CXCR1: variants seen among roughly 807,000 people sequenced by gnomAD.
The protein encoded by CXCR1 is C-X-C motif chemokine receptor 1.
For missense variants in CXCR1, 419 were observed against 440.5 expected (o/e 0.95, Z 0.44); for synonymous variants, 180 against 184.7 (o/e 0.97, Z 0.21).
chr2:218,163,975 T>C lies in CXCR1; in HGVS notation c.*184A>G. The C allele has an allele frequency of 2.9e-6, 2 of 688,196 alleles. No individual in the cohort carries two copies. The highest frequency in any genetic ancestry group is 4.6e-5 in the Admixed American group (2 of 43,418). 42.6% of individuals were successfully genotyped at this position (688,196 alleles called of 1,614,324 possible). A position where few individuals can be genotyped will look rare whatever the true frequency, so the allele number is the denominator to read the frequency against. On this transcript the variant is annotated 3_prime_UTR_variant, in exon 2 of 2. Coordinates refer to ENST00000295683, the MANE Select transcript of CXCR1 (RefSeq NM_000634.3). ...GCAAAGGCCGGTCCTTGGAGGTACC[T>C]CAACAGCTCCTCAGAAGGTTGGTGT...
chr2:218,164,787 G>T lies in CXCR1; in HGVS notation c.425C>A (p.Ala142Asp). 5 of 1,614,224 alleles carry T rather than the reference G, an allele frequency of 3.1e-6. No individual in the cohort carries two copies. Among genetic ancestry groups the T allele is most frequent in the Non-Finnish European group, 4.2e-6 (5 of 1,180,038 alleles). The change falls in exon 2 of 2, where the codon GCC becomes GAC. Residue 142 changes from alanine to aspartate, a missense_variant. Coordinates refer to ENST00000295683, the MANE Select transcript of CXCR1 (RefSeq NM_000634.3). ...SVDRYLAIVH[A>D]TRTLTQKRHL... ...ACGCTTCTGGGTCAGTGTGCGTGTG[G>T]CATGGACAATGGCCAGGTAACGGTC...
rs1691221303 is a variant in CXCR1, at chr2:218,163,227, T to G, written c.*932A>C. 1 of 152,672 alleles carries G rather than the reference T, an allele frequency of 6.5e-6. No individual in the cohort carries two copies. Among genetic ancestry groups the G allele is most frequent in the Non-Finnish European group, 1.5e-5 (1 of 68,310 alleles). The allele number at this position is 152,672 out of a possible 1,614,324, so 9.5% of individuals were successfully genotyped here. A position where few individuals can be genotyped will look rare whatever the true frequency, so the allele number is the denominator to read the frequency against. ...CTGCCCTTCAACCCAGAGAGGTGCC[T>G]TCTTAGGAGGTGCTGCCCCCATTCT... On this transcript the variant is annotated 3_prime_UTR_variant, in exon 2 of 2. Coordinates refer to ENST00000295683, the MANE Select transcript of CXCR1 (RefSeq NM_000634.3).
Position 218,164,082 on chromosome 2 carries a change from G to A in CXCR1, c.*77C>T. On this transcript the variant is annotated 3_prime_UTR_variant, in exon 2 of 2. Coordinates refer to ENST00000295683, the MANE Select transcript of CXCR1 (RefSeq NM_000634.3). ...CCCAGATAGTGCCTGTCCAGAGCCA[G>A]ATCACCTTCCACACACAACCTCAGG... is the stretch of plus-strand genomic sequence containing the variant. 1 of 1,564,536 alleles carries A rather than the reference G, an allele frequency of 6.4e-7. No individual in the cohort carries two copies. The highest frequency in any genetic ancestry group is 8.7e-7 in the Non-Finnish European group (1 of 1,147,554).
rs1204763700 is a variant in CXCR1 at position 218,164,144 on chromosome 2, C to A, written c.*15G>T. 2 of 1,613,294 alleles carry A rather than the reference C, an allele frequency of 1.2e-6. No individual in the cohort carries two copies. The highest frequency in any genetic ancestry group is 1.7e-6 in the Non-Finnish European group (2 of 1,179,914). ...TCTTTCCTTCTGAGAAGAGATATTC[C>A]TTCATCGATGGTTTTCAGAGGTTGG... On this transcript the variant is annotated 3_prime_UTR_variant, in exon 2 of 2. Coordinates refer to ENST00000295683, the MANE Select transcript of CXCR1 (RefSeq NM_000634.3).
Position 218,164,273 on chromosome 2 carries a change from G to A in CXCR1, c.939C>T (p.Arg313=), listed in dbSNP as rs1300601396. 10 of 1,612,352 alleles carry A rather than the reference G, an allele frequency of 6.2e-6. No individual in the cohort carries two copies. Among genetic ancestry groups the A allele is most frequent in the East Asian group, 2.2e-5 (1 of 44,816 alleles). ...TAGCCAGGATCTTGAGGAATCCATG[G>A]CGAAAATTTTGGCCGATGAAGGCGT... The part of the protein sequence containing the change: ...IIYAFIGQNF[R]HGFLKILAMH... Residue 313 remains arginine (R), a synonymous_variant, in exon 2 of 2, where the codon CGC becomes CGT. Transcript: ENST00000295683.
chr2:218,165,391 G>C, intron 1 of CXCR1, 147 bp from the exon 2 acceptor site: 1 of 676,294 alleles, frequency 1.5e-6, no homozygotes, highest in South Asian at 1.8e-5. Flanking sequence ...ACTCCAACCT[G>C]GTCTTCTTCG....
At position 218,164,591 on chromosome 2, in the gene CXCR1, G is replaced by A. The variant is rs1189688820; in HGVS notation, c.621C>T (p.His207=). The A allele has an allele frequency of 6.2e-7, 1 of 1,614,226 alleles. No individual in the cohort carries two copies. The highest frequency in any genetic ancestry group is 1.7e-5 in the Admixed American group (1 of 60,030). ...ACAGCGGCACGATGAAGCCAAAGGTGTGAGGCAGGATCCGCAACACCATCC... is the reference window on the plus strand; with the variant it reads ...ACAGCGGCACGATGAAGCCAAAGGTATGAGGCAGGATCCGCAACACCATCC... ...KWRMVLRILP[H]TFGFIVPLFV... is the part of the protein sequence containing the mutation. Residue 207 remains histidine, a synonymous_variant, in exon 2 of 2, where the codon CAC becomes CAT. Coordinates refer to ENST00000295683, the MANE Select transcript of CXCR1 (RefSeq NM_000634.3).
In CXCR1 at chr2:218,165,050, C is replaced by T; in HGVS notation, c.162G>A (p.Leu54=). 2 of 1,614,240 alleles carry T rather than the reference C, an allele frequency of 1.2e-6. No homozygotes were observed. Among genetic ancestry groups the T allele is most frequent in the Non-Finnish European group, 1.7e-6 (2 of 1,180,054 alleles). ...CCAGCATCACCAGGGAGTTTCCCAG[C>T]AGGCTCAGCAGGAACACTAGGGCAT... The part of the protein sequence containing the change: ...IAYALVFLLS[L]LGNSLVMLVI... Residue 54 remains leucine (L), a synonymous_variant, in exon 2 of 2, where the codon CTG becomes CTA. Coordinates refer to ENST00000295683, the MANE Select transcript of CXCR1 (RefSeq NM_000634.3).
intron 1 of CXCR1, 130 bp from the exon 2 acceptor site, chr2:218,165,374 T>C: frequency 5.6e-6 from 4 of 711,100 alleles, no homozygotes; most frequent in Admixed American, 2.1e-5. Context: ...CTCTCCTTCC[T>C]CCTTTGACTC....
chr2:218,165,314 G>C (rs1041236620), intron 1 of CXCR1, 70 bp from the exon 2 acceptor site: 1 of 1,161,452 alleles, frequency 8.6e-7, no homozygotes, highest in Admixed American at 1.7e-5. Context: ...AATGATGTGA[G>C]AGCAGTTACT....
chr2:218,164,252 C>T lies in CXCR1; in HGVS notation c.960G>A (p.Leu320=). 6.2e-7 allele frequency: 1 copy of T among 1,613,580 alleles called. No individual in the cohort carries two copies. Among genetic ancestry groups the T allele is most frequent in the Non-Finnish European group, 8.5e-7 (1 of 1,179,510 alleles). Residue 320 remains leucine, a synonymous_variant, in exon 2 of 2, where the codon CTG becomes CTA. Transcript: ENST00000295683. ...CCTTGCTGACCAGGCCATGCATAGCCAGGATCTTGAGGAATCCATGGCGAA... is the reference window on the plus strand; with the variant it reads ...CCTTGCTGACCAGGCCATGCATAGCTAGGATCTTGAGGAATCCATGGCGAA... ...QNFRHGFLKI[L]AMHGLVSKEF...
In CXCR1 at chr2:218,164,515, G is replaced by A. The variant is rs55754829; in HGVS notation, c.697C>T (p.His233Tyr). The change falls in exon 2 of 2, where the codon CAC (histidine) becomes TAC (tyrosine). Residue 233 changes from histidine to tyrosine, a missense_variant. By Grantham distance (83) the His-to-Tyr change is moderately conservative. Transcript: ENST00000295683. ...GFTLRTLFKA[H>Y]MGQKHRAMRV... ...ATGGCTCGGTGCTTCTGCCCCATGTGGGCCTTAAACAGTGTACGCAGGGTG... is the reference window on the plus strand; with the variant it reads ...ATGGCTCGGTGCTTCTGCCCCATGTAGGCCTTAAACAGTGTACGCAGGGTG... 18 of 1,614,080 alleles carry A rather than the reference G, an allele frequency of 1.1e-5. No individual in the cohort carries two copies. Among genetic ancestry groups the A allele is most frequent in the Middle Eastern group, 1.6e-4 (1 of 6,084 alleles).
rs140728083 is a variant in CXCR1 at position 218,164,373 on chromosome 2, C to T, written c.839G>A (p.Arg280His). 2.7e-4 allele frequency: 431 copies of T among 1,613,364 alleles called. No homozygotes were observed. Among genetic ancestry groups the T allele is most frequent in the Admixed American group, 4.8e-4 (29 of 59,974 alleles). The change falls in exon 2 of 2, where the codon CGC becomes CAC. Residue 280 changes from arginine to histidine, a missense_variant. Physicochemically the swap from Arg to His is conservative, Grantham distance 29. Transcript: ENST00000295683. ...TQVIQESCER[R>H]NNIGRALDAT... ...ATCCAGGGCCCGGCCGATGTTGTTG[C>T]GGCGCTCACAGCTCTCCTGGATCAC...
At position 218,164,510 on chromosome 2, in the gene CXCR1, C is replaced by T. The variant is rs1169035292; in HGVS notation, c.702G>A (p.Met234Ile). ...FTLRTLFKAH[M>I]GQKHRAMRVI... is the part of the protein sequence containing the mutation. The stretch of plus-strand genomic sequence containing the variant: ...CCCTCATGGCTCGGTGCTTCTGCCC[C>T]ATGTGGGCCTTAAACAGTGTACGCA... The change falls in exon 2 of 2, where the codon ATG becomes ATA. Residue 234 changes from methionine to isoleucine, a missense_variant. Met to Ile is a conservative substitution (Grantham distance 10). Coordinates refer to ENST00000295683, the MANE Select transcript of CXCR1 (RefSeq NM_000634.3). 1.9e-6 allele frequency: 3 copies of T among 1,614,062 alleles called. No homozygotes were observed. Among genetic ancestry groups the T allele is most frequent in the African/African-American group, 1.3e-5 (1 of 74,896 alleles).
Position 218,164,494 on chromosome 2 carries a change from C to T in CXCR1, c.718G>A (p.Ala240Thr). ...FKAHMGQKHRAMRVIFAVVLI... is the reference protein window; with the variant it reads ...FKAHMGQKHRTMRVIFAVVLI... ...ACGACAGCAAAGATGACCCTCATGG[C>T]TCGGTGCTTCTGCCCCATGTGGGCC... Residue 240 changes from alanine to threonine, a missense_variant, in exon 2 of 2, where the codon GCC becomes ACC. By Grantham distance (58) the Ala-to-Thr change is moderately conservative (BLOSUM62 0). Transcript: ENST00000295683. 1.9e-6 allele frequency: 3 copies of T among 1,614,196 alleles called. 1 individual carries two copies. Among genetic ancestry groups the T allele is most frequent in the Non-Finnish European group, 2.5e-6 (3 of 1,180,032 alleles).
Position 218,165,088 on chromosome 2 carries a change from C to T in CXCR1, c.124G>A (p.Val42Met). ...AACACTAGGGCATAGGCGATGATCA[C>T]AACATACTTGTTGAGTGTCTCAGTT... is the stretch of plus-strand genomic sequence containing the variant. ...LETETLNKYV[V>M]IIAYALVFLL... is the part of the protein sequence containing the mutation. Residue 42 changes from valine to methionine, a missense_variant, in exon 2 of 2, where the codon GTG (valine) becomes ATG (methionine). Physicochemically the swap from Val to Met is conservative, Grantham distance 21. Transcript: ENST00000295683. 1 of 1,614,234 alleles carries T rather than the reference C, an allele frequency of 6.2e-7. No individual in the cohort carries two copies. Among genetic ancestry groups the T allele is most frequent in the Non-Finnish European group, 8.5e-7 (1 of 1,180,038 alleles).
Position 218,163,969 on chromosome 2 carries a change from G to T in CXCR1, c.*190C>A, listed in dbSNP as rs542428930. 1 of 657,274 alleles carries T rather than the reference G, an allele frequency of 1.5e-6. No individual in the cohort carries two copies. The highest frequency in any genetic ancestry group is 2.7e-6 in the Non-Finnish European group (1 of 373,948). The allele number at this position is 657,274 out of a possible 1,614,324, so 40.7% of individuals were successfully genotyped here. On this transcript the variant is annotated 3_prime_UTR_variant, in exon 2 of 2. Transcript: ENST00000295683. ...GGAGGTGCAAAGGCCGGTCCTTGGA[G>T]GTACCTCAACAGCTCCTCAGAAGGT...
rs112653760 is a variant in CXCR1 at position 218,163,863 on chromosome 2, C to T, written c.*296G>A. On this transcript the variant is annotated 3_prime_UTR_variant, in exon 2 of 2. Coordinates refer to ENST00000295683, the MANE Select transcript of CXCR1 (RefSeq NM_000634.3). ...CTCTCATCTAATGTCAGATTCGGGG[C>T]TCAGATGTGGCCATGCTAATTAGCC... 6.0e-3 allele frequency: 2,413 copies of T among 399,726 alleles called. 48 individuals carry two copies. The highest frequency in any genetic ancestry group is 0.037 in the South Asian group (1,626 of 43,664). The allele number at this position is 399,726 out of a possible 1,614,324, so 24.8% of individuals were successfully genotyped here.
chr2:218,164,170 A>G lies in CXCR1; in HGVS notation c.1042T>C (p.Ser348Pro), dbSNP rs755897597. The G allele has an allele frequency of 6.2e-7, 1 of 1,614,094 alleles. No homozygotes were observed. The highest frequency in any genetic ancestry group is 1.1e-5 in the South Asian group (1 of 91,090). ...TTCATCGATGGTTTTCAGAGGTTGG[A>G]AGAGACATTGACAGACGAAGAAGTG... is the stretch of plus-strand genomic sequence containing the variant. ...SYTSSSVNVS[S>P]NL is the part of the protein sequence containing the mutation. Residue 348 changes from serine to proline, a missense_variant, in exon 2 of 2, where the codon TCC becomes CCC. Physicochemically the swap from Ser to Pro is moderately conservative, Grantham distance 74. Coordinates refer to ENST00000295683, the MANE Select transcript of CXCR1 (RefSeq NM_000634.3).
Sources: allele counts gnomAD v4.1 joint callset, GRCh38; gene constraint gnomAD v4.1.1; transcripts MANE v1.5; gene names NCBI Gene and HGNC (gene_info 2026-07-23, HGNC 2026-07-21).